Variants in BTBD3 observed in about 807,000 individuals in gnomAD.
BTBD3 encodes BTB/POZ domain-containing protein 3.
BTBD3 carries 14 observed loss-of-function variants against 41.6 expected under a neutral mutation model. The ratio of observed to expected loss-of-function variants is 0.34; its 90% CI spans 0.22 to 0.53. BTBD3 has a LOEUF of 0.53. Among genes scored for constraint, BTBD3 ranks in the 20% least tolerant of loss-of-function variants. BTBD3 has a pLI of 0.95. For synonymous variants in BTBD3, 249 were observed against 233.7 expected, an observed-to-expected ratio of 1.07 and a Z score of -0.60; for missense variants, 426 against 654.7, an observed-to-expected ratio of 0.65 and a Z score of 3.81.
chr20:11,906,012 T>C (rs1210102272), intron 1 of BTBD3, among the ~76,000 whole-genome samples: 3 of 152,152 alleles, frequency 2.0e-5, no homozygotes, highest in Admixed American at 1.3e-4. Context: ...TTCTAAGAAA[T>C]ATACTTTTAT....
intron 1 of BTBD3, among the ~76,000 whole-genome samples, chr20:11,904,642 T>C (rs2056842850): frequency 6.6e-6 from 1 of 152,202 alleles, no homozygotes; most frequent in South Asian, 2.1e-4. Context: ...TCTATTAATA[T>C]ACTTTTGTCA....
upstream of BTBD3, among the ~76,000 whole-genome samples, chr20:11,916,153 T>G (rs1288240737): frequency 6.6e-6 from 1 of 152,178 alleles, no homozygotes; most frequent in East Asian, 1.9e-4. Context: ...ATACTAGATT[T>G]GTTAGAAATA....
rs915567793 is a variant in BTBD3 at position 11,918,436 on chromosome 20, C to A, written c.161C>A (p.Thr54Asn). The change falls in exon 1 of 4, where the codon ACC becomes AAC. Residue 54 changes from threonine (T) to asparagine (N), a missense_variant. Thr to Asn is a moderately conservative substitution (Grantham distance 65). This residue lies in a region of BTBD3 where 53 missense variants were observed against 74.8 expected (regional missense o/e 0.71). Transcript: ENST00000378226. ...CCACCAGTTTGTTATGAAATAATTA[C>A]CTTGAAGACTAAAAAGAAGAAGATG... ...KLPPVCYEIITLKTKKKKMAA... is the reference protein window; with the variant it reads ...KLPPVCYEIINLKTKKKKMAA... 2 of 1,614,068 alleles carry A rather than the reference C, an allele frequency of 1.2e-6. No homozygotes were observed. Among genetic ancestry groups the A allele is most frequent in the Admixed American group, 1.7e-5 (1 of 60,022 alleles).
chr20:11,926,525 AAC>A lies in BTBD3; in HGVS notation c.*2861_*2862del, dbSNP rs1367734250. On this transcript the variant is annotated 3_prime_UTR_variant, in exon 4 of 4. Coordinates refer to ENST00000378226, the MANE Select transcript of BTBD3 (RefSeq NM_014962.4). Reference sequence around the variant, plus strand: ...TGTTATTGTACTGTATTTTTAATGTAACAGTGCAGATCTTGTTAGACACATGA... The same window carrying A: ...TGTTATTGTACTGTATTTTTAATGTAAGTGCAGATCTTGTTAGACACATGA... 6.6e-6 allele frequency: 1 copy of A among 152,658 alleles called. No individual in the cohort carries two copies. Among genetic ancestry groups the A allele is most frequent in the Admixed American group, 6.5e-5 (1 of 15,288 alleles). 9.5% of individuals were successfully genotyped at this position (152,658 alleles called of 1,614,324 possible). A position where few individuals can be genotyped will look rare whatever the true frequency, so the allele number is the denominator to read the frequency against.
chr20:11,902,623 G>A (rs907648337), intron 1 of BTBD3, among the ~76,000 whole-genome samples: 8 of 152,128 alleles, frequency 5.3e-5, no homozygotes, highest in African/African-American at 1.9e-4. Flanking sequence ...GGCAGATACT[G>A]GCAACACTTG....
rs1280783040 is a variant in BTBD3, at chr20:11,925,051, A to C, written c.*1385A>C. On this transcript the variant is annotated 3_prime_UTR_variant, in exon 4 of 4. Coordinates refer to ENST00000378226, the MANE Select transcript of BTBD3 (RefSeq NM_014962.4). ...CAGTGTGTTCACTTCCAGTTGAAGT[A>C]TCCATGTGTTTCTGGGCAGCTTTTC... 6.6e-6 allele frequency: 1 copy of C among 152,652 alleles called. No homozygotes were observed. Among genetic ancestry groups the C allele is most frequent in the Non-Finnish European group, 1.5e-5 (1 of 68,068 alleles). The allele number at this position is 152,652 out of a possible 1,614,324, so 9.5% of individuals were successfully genotyped here. A position where few individuals can be genotyped will look rare whatever the true frequency, so the allele number is the denominator to read the frequency against.
At chr20:11,901,980 GCT>G (rs1170345448) in intron 1 of BTBD3, among the ~76,000 whole-genome samples, 1 of 152,092 alleles carries the variant, frequency 6.6e-6, no homozygotes, top group African/African-American at 2.4e-5. Context: ...TTGGATGCTA[GCT>G]CTAGTAAAAG....
Position 11,922,876 on chromosome 20 carries a change from G to A in BTBD3, c.779G>A (p.Gly260Glu), listed in dbSNP as rs761695813. 1.2e-6 allele frequency: 2 copies of A among 1,614,228 alleles called. No homozygotes were observed. Among genetic ancestry groups the A allele is most frequent in the Non-Finnish European group, 1.7e-6 (2 of 1,180,040 alleles). Reference sequence around the variant, plus strand: ...GCTGAGTTAGCTCTCAAGTCTGAGGGATTCTGCGATATTGACTTCCAGACA... The same window carrying A: ...GCTGAGTTAGCTCTCAAGTCTGAGGAATTCTGCGATATTGACTTCCAGACA... ...AQAELALKSEGFCDIDFQTLE... is the reference protein window; with the variant it reads ...AQAELALKSEEFCDIDFQTLE... Residue 260 changes from glycine to glutamate, a missense_variant, in exon 4 of 4, where the codon GGA becomes GAA. Coordinates refer to ENST00000378226, the MANE Select transcript of BTBD3 (RefSeq NM_014962.4).
chr20:11,895,925 T>C (rs575548794), intron 1 of BTBD3, among the ~76,000 whole-genome samples: 5 of 152,320 alleles, frequency 3.3e-5, no homozygotes, highest in East Asian at 3.9e-4. Context: ...TCCACTTTCA[T>C]GATTTGTAGT....
At chr20:11,914,100 G>A (rs758794910), upstream of BTBD3, among the ~76,000 whole-genome samples, 3 of 152,190 alleles carry the variant, frequency 2.0e-5, no homozygotes, top group Non-Finnish European at 4.4e-5. Context: ...AATTCAGGAA[G>A]TGTAGAAACA....
chr20:11,916,832 T>G (rs952220368), upstream of BTBD3, among the ~76,000 whole-genome samples: 9 of 152,182 alleles, frequency 5.9e-5, no homozygotes, highest in African/African-American at 1.7e-4. Context: ...GGGGTGAGAT[T>G]AAATATTTTA....
intron 1 of BTBD3, among the ~76,000 whole-genome samples, chr20:11,901,191 A>T (rs368641030): frequency 1.7e-4 from 26 of 152,348 alleles, no homozygotes; most frequent in African/African-American, 6.3e-4. Context: ...ATGCAGGTTC[A>T]GGCTACAGGG....
At chr20:11,907,270 T>C (rs544616245) in intron 1 of BTBD3, among the ~76,000 whole-genome samples, 1 of 152,360 alleles carries the variant, frequency 6.6e-6, no homozygotes. Context: ...TGTGGTATTA[T>C]AATACTGCAT....
In BTBD3 at chr20:11,923,890, T is replaced by C; in HGVS notation, c.*224T>C. On this transcript the variant is annotated 3_prime_UTR_variant, in exon 4 of 4. Transcript: ENST00000378226. This position sits in a 1 kb window ranked among gnomAD's most constrained non-coding sequence, Gnocchi z 5.3. ...AAGAGCTAACGTTCTTATTAAGGCT[T>C]TGTGGTTTTTAGAGTTGCATCTATG... 1 of 482,272 alleles carries C rather than the reference T, an allele frequency of 2.1e-6. No individual in the cohort carries two copies. Among genetic ancestry groups the C allele is most frequent in the South Asian group, 3.9e-5 (1 of 25,964 alleles). The allele number at this position is 482,272 out of a possible 1,614,324, so 29.9% of individuals were successfully genotyped here.
intron 3 of BTBD3, among the ~76,000 whole-genome samples, chr20:11,921,384 A>G (rs2056968535): frequency 6.6e-6 from 1 of 152,228 alleles, no homozygotes; most frequent in Non-Finnish European, 1.5e-5. Context: ...GAAATGAGTC[A>G]GGTGCCATTT....
intron 1 of BTBD3, 73 bp from the exon 2 acceptor site, chr20:11,919,013 G>C: frequency 8.8e-7 from 1 of 1,130,778 alleles, no homozygotes; most frequent in South Asian, 1.4e-5. Flanking sequence ...GTCTTTTGTG[G>C]GTTTTGTATG....
At chr20:11,892,993 T>C (rs1455688743) in intron 1 of BTBD3, among the ~76,000 whole-genome samples, 2 of 152,116 alleles carry the variant, frequency 1.3e-5, no homozygotes, top group African/African-American at 4.8e-5. Context: ...AAGGCACAAT[T>C]AGTCTACACA....
At chr20:11,898,361 AC>A (rs377754824) in intron 1 of BTBD3, among the ~76,000 whole-genome samples, 29 of 150,222 alleles carry the variant, frequency 1.9e-4, no homozygotes, top group African/African-American at 6.4e-4. Flanking sequence ...TATTTATCCT[AC>A]CCCCCCAGCC....
At chr20:11,918,872 T>G (rs1334107309) in intron 1 of BTBD3, 1 of 572,870 alleles carries the variant, frequency 1.7e-6, no homozygotes, top group East Asian at 2.9e-5. Flanking sequence ...TTAGCTTTAT[T>G]AAAAGTTTGT....
Sources: gnomAD v4.1 joint callset for allele counts (sites outside exome capture counted in the v4.1 genomes callset) on GRCh38, gnomAD v4.1.1 for gene constraint, gnomAD v4.1.1 regional missense constraint, Gnocchi (gnomAD v3.1) non-coding constraint, MANE v1.5 for transcripts, NCBI Gene and HGNC (gene_info 2026-07-23, HGNC 2026-07-21) for gene names.